TMPRSS11D: variants seen among roughly 807,000 people sequenced by gnomAD.
TMPRSS11D encodes transmembrane protease serine 11D.
Under a neutral mutation model 44.4 loss-of-function variants are expected in TMPRSS11D, and 32 were observed. The observed-to-expected ratio is 0.72, with a 90% CI of 0.54 to 0.97. The LOEUF is 0.97. TMPRSS11D is among the 50% of genes least tolerant of loss of function. The pLI, the probability that TMPRSS11D is intolerant of heterozygous loss-of-function variation, is 0.00. For synonymous variants in TMPRSS11D, 179 were observed against 177.9 expected (o/e 1.01, Z -0.05); for missense variants, 446 against 502.6 (o/e 0.89, Z 1.08).
At position 67,822,980 on chromosome 4, in the gene TMPRSS11D, G is replaced by A. The variant is rs79654856; in HGVS notation, c.1096-482C>T. Among the ~76,000 whole-genome samples, 629 of 152,148 alleles carry A rather than the reference G, an allele frequency of 4.1e-3. 2 individuals are homozygous for A. Among genetic ancestry groups the A allele is most frequent in the Middle Eastern group, 0.014 (4 of 294 alleles). On this transcript the variant is annotated intron_variant, in intron 9 of 9. Transcript: ENST00000283916. ...AGTTTTTGTTTGTTTGTTTTGTTCT[G>A]TTTTGTTTTGATGTAGCAGCTGCAT...
intron 6 of TMPRSS11D, among the ~76,000 whole-genome samples, 160 bp downstream of exon 6, chr4:67,834,923 C>G (rs1718038988): frequency 6.6e-6 from 1 of 152,092 alleles, no homozygotes; most frequent in Admixed American, 6.6e-5. Flanking sequence ...CCATGGGACA[C>G]TTGGGATCAG....
chr4:67,859,660 C>T lies in TMPRSS11D; in HGVS notation c.27G>A (p.Ser9=), dbSNP rs775933797. The T allele has an allele frequency of 1.2e-6, 2 of 1,612,772 alleles. No individual in the cohort carries two copies. Among genetic ancestry groups the T allele is most frequent in the Non-Finnish European group, 1.7e-6 (2 of 1,179,158 alleles). MYRPARVT[S]TSRFLNPYVV... ...CATATGGATTCAGAAATCTTGAAGT[C>T]GAAGTTACACGTGCTGGCCTTACAA... is the stretch of plus-strand genomic sequence containing the variant. Residue 9 remains serine (S), a synonymous_variant, in exon 2 of 10, where the codon TCG becomes TCA. Coordinates refer to ENST00000283916, the MANE Select transcript of TMPRSS11D (RefSeq NM_004262.3).
chr4:67,854,027 T>C, intron 3 of TMPRSS11D, 41 bp downstream of exon 3: 1 of 1,178,050 alleles, frequency 8.5e-7, no homozygotes, highest in Middle Eastern at 2.1e-4. Context: ...ATCATATTCA[T>C]TTTATAATGG....
At chr4:67,868,932 T>C (rs1475160770) in intron 1 of TMPRSS11D, among the ~76,000 whole-genome samples, 1 of 152,142 alleles carries the variant, frequency 6.6e-6, no homozygotes, top group Admixed American at 6.5e-5. Flanking sequence ...GAGGAAAATA[T>C]TGAAGATGAA....
At chr4:67,826,410 G>A (rs1423567800) in intron 8 of TMPRSS11D, among the ~76,000 whole-genome samples, 1 of 152,030 alleles carries the variant, frequency 6.6e-6, no homozygotes, top group Admixed American at 6.6e-5. Flanking sequence ...ATTATTCCTT[G>A]GAGAGACAAT....
chr4:67,879,091 G>A (rs147961876), intron 1 of TMPRSS11D, among the ~76,000 whole-genome samples: 2 of 152,104 alleles, frequency 1.3e-5, no homozygotes, highest in East Asian at 3.9e-4. Flanking sequence ...GGACTTAAGG[G>A]ACATTAGGGA....
chr4:67,844,734 G>A (rs925276399), intron 3 of TMPRSS11D, among the ~76,000 whole-genome samples: 39 of 151,794 alleles, frequency 2.6e-4, no homozygotes, highest in African/African-American at 8.7e-4. Context: ...AGTCAAGATC[G>A]CGCCAGTACA....
At chr4:67,857,265 A>T (rs1718660537) in intron 2 of TMPRSS11D, among the ~76,000 whole-genome samples, 1 of 126,986 alleles carries the variant, frequency 7.9e-6, no homozygotes, top group Admixed American at 7.8e-5. Context: ...GGATAAAGAA[A>T]ATATGGTATA....
At position 67,827,972 on chromosome 4, in the gene TMPRSS11D, T is replaced by C. The variant is rs1182582486; in HGVS notation, c.693-452A>G. Among the ~76,000 whole-genome samples, 4 of 152,042 alleles carry C rather than the reference T, an allele frequency of 2.6e-5. No individual in the cohort carries two copies. In the East Asian group the frequency reaches 7.7e-4, roughly 29 times the overall value. ...TAAATAGTAGTGATGATAAGGGGCA[T>C]TCTTATCTTGTTAATGGATGAATAA... On this transcript the variant is annotated intron_variant, in intron 7 of 9. Coordinates refer to ENST00000283916, the MANE Select transcript of TMPRSS11D (RefSeq NM_004262.3).
chr4:67,830,522 G>A (rs1215739548), intron 7 of TMPRSS11D, among the ~76,000 whole-genome samples: 4 of 151,844 alleles, frequency 2.6e-5, no homozygotes, highest in South Asian at 2.1e-4. Flanking sequence ...TTCTATGACC[G>A]GAAATACTTT....
chr4:67,880,894 T>G (rs2109708086), intron 1 of TMPRSS11D, among the ~76,000 whole-genome samples: 1 of 152,348 alleles, frequency 6.6e-6, no homozygotes, highest in South Asian at 2.1e-4. Context: ...ATTGTAAATA[T>G]TCCATAGAAT....
chr4:67,859,229 A>G (rs1259456747), intron 2 of TMPRSS11D, among the ~76,000 whole-genome samples: 1 of 152,160 alleles, frequency 6.6e-6, no homozygotes, highest in Non-Finnish European at 1.5e-5. Context: ...GTATTAATGA[A>G]AAACAAAATG....
At chr4:67,826,022 C>T (rs1013749499) in intron 8 of TMPRSS11D, 148 bp from the exon 9 acceptor site, 137 of 993,038 alleles carry the variant, frequency 1.4e-4, no homozygotes, top group Non-Finnish European at 1.7e-4. Flanking sequence ...GGAGTTTCTT[C>T]GCAGCCAAAA....
intron 3 of TMPRSS11D, among the ~76,000 whole-genome samples, chr4:67,848,359 T>A (rs1189979266): frequency 5.9e-5 from 9 of 152,248 alleles, no homozygotes. Context: ...TATTTCTAAA[T>A]GGCCTCATTC....
chr4:67,838,106 T>C, intron 5 of TMPRSS11D, 66 bp downstream of exon 5: 1 of 1,300,658 alleles, frequency 7.7e-7, no homozygotes, highest in Non-Finnish European at 1.0e-6. Context: ...AATTAAAATA[T>C]GAATTTGAAT....
intron 1 of TMPRSS11D, among the ~76,000 whole-genome samples, chr4:67,882,681 T>C (rs1577837370): frequency 1.3e-5 from 2 of 152,182 alleles, no homozygotes; most frequent in Non-Finnish European, 2.9e-5. Context: ...CATTTTAAAA[T>C]GCACTATATT....
rs1717644103 is a variant in TMPRSS11D at position 67,821,616 on chromosome 4, A to G, written c.*721T>C. The G allele has an allele frequency of 6.6e-6, 1 of 152,136 alleles. No homozygotes were observed. Among genetic ancestry groups the G allele is most frequent in the African/African-American group, 2.4e-5 (1 of 41,428 alleles). The allele number at this position is 152,136 out of a possible 1,614,324, so 9.4% of individuals were successfully genotyped here. ...ATAAAATAGATATAGTCTCTCCTTT[A>G]TGTAGATGAGTGATATTTTTCATGG... On this transcript the variant is annotated 3_prime_UTR_variant, in exon 10 of 10. Coordinates refer to ENST00000283916, the MANE Select transcript of TMPRSS11D (RefSeq NM_004262.3).
chr4:67,845,903 AC>A (rs1371487150), intron 3 of TMPRSS11D, among the ~76,000 whole-genome samples: 9 of 152,176 alleles, frequency 5.9e-5, no homozygotes, highest in African/African-American at 2.2e-4. Context: ...AACACTGCAC[AC>A]AGGATATCTA....
intron 1 of TMPRSS11D, among the ~76,000 whole-genome samples, chr4:67,878,288 A>G (rs114726310): frequency 0.015 from 2,301 of 152,294 alleles, 57 homozygotes; most frequent in African/African-American, 0.05. Flanking sequence ...ATGAAATTAC[A>G]TATTTCCATG....
Sources: gnomAD v4.1 joint callset for allele counts (sites outside exome capture counted in the v4.1 genomes callset) on GRCh38, gnomAD v4.1.1 for gene constraint, MANE v1.5 for transcripts, NCBI Gene and HGNC (gene_info 2026-07-23, HGNC 2026-07-21) for gene names.